RGL1: variants seen among roughly 807,000 people sequenced by gnomAD.
RGL1 encodes ral guanine nucleotide dissociation stimulator like 1, also known as ral guanine nucleotide dissociation stimulator-like 1.
A neutral mutation model predicts 95.2 loss-of-function variants in RGL1; 24 were observed. That is an observed-to-expected ratio of 0.25 (90% CI 0.18 to 0.35). The LOEUF (loss-of-function observed/expected upper bound fraction) is 0.35. RGL1 is among the 10% of genes least tolerant of loss of function. RGL1 has a pLI of 1.00. For missense variants in RGL1, 715 were observed against 936.3 expected, an observed-to-expected ratio of 0.76 and a Z score of 3.08; for synonymous variants, 329 against 344.9, an observed-to-expected ratio of 0.95 and a Z score of 0.51.
chr1:183,826,158 A>G (rs1284315461), intron 2 of RGL1, among the ~76,000 whole-genome samples: 1 of 151,192 alleles, frequency 6.6e-6, no homozygotes, highest in Non-Finnish European at 1.5e-5. Flanking sequence ...GGTTCATGCC[A>G]TTCTCCTGCC....
chr1:183,867,627 T>C (rs575391562), intron 4 of RGL1, among the ~76,000 whole-genome samples: 1 of 152,138 alleles, frequency 6.6e-6, no homozygotes, highest in Non-Finnish European at 1.5e-5. Context: ...GATGGGTTTT[T>C]TTTTTGGTTG....
intron 4 of RGL1, among the ~76,000 whole-genome samples, chr1:183,867,851 A>C (rs759875916): frequency 6.4e-4 from 97 of 152,306 alleles, no homozygotes; most frequent in Non-Finnish European, 7.6e-4. Context: ...TCCTCAGAAG[A>C]GTTACTGATA....
At chr1:183,828,573 G>C (rs369611229) in intron 2 of RGL1, among the ~76,000 whole-genome samples, 1 of 152,172 alleles carries the variant, frequency 6.6e-6, no homozygotes, top group African/African-American at 2.4e-5. Context: ...TCTTGGCTCT[G>C]TCAATTACTA....
intron 1 of RGL1, among the ~76,000 whole-genome samples, chr1:183,663,945 C>T (rs903184324): frequency 6.6e-6 from 1 of 151,260 alleles, no homozygotes; most frequent in Non-Finnish European, 1.5e-5. Context: ...TCATCATTCT[C>T]AGTAAACCAT....
intron 2 of RGL1, among the ~76,000 whole-genome samples, chr1:183,742,713 G>T (rs974277363): frequency 1.3e-5 from 2 of 151,830 alleles, no homozygotes; most frequent in East Asian, 1.9e-4. Flanking sequence ...ATTTGTGGGG[G>T]GTGTGTGTGT....
intron 2 of RGL1, among the ~76,000 whole-genome samples, chr1:183,810,048 C>T (rs1439643445): frequency 6.6e-6 from 1 of 152,104 alleles, no homozygotes; most frequent in Non-Finnish European, 1.5e-5. Context: ...TCTTTGGTCC[C>T]AGTGTTGTGG....
At chr1:183,904,134 C>T (rs1321138670) in intron 12 of RGL1, among the ~76,000 whole-genome samples, 1 of 152,162 alleles carries the variant, frequency 6.6e-6, no homozygotes, top group African/African-American at 2.4e-5. Flanking sequence ...ACTGTAAAAC[C>T]TAAACCTAAA....
intron 9 of RGL1, among the ~76,000 whole-genome samples, chr1:183,896,338 G>A (rs1336833283): frequency 3.9e-5 from 6 of 152,180 alleles, no homozygotes; most frequent in Admixed American, 6.5e-5. Context: ...GGCGCATGCC[G>A]CCATGTCCAG....
At chr1:183,849,285 A>C (rs1341085234) in intron 3 of RGL1, among the ~76,000 whole-genome samples, 8 of 151,634 alleles carry the variant, frequency 5.3e-5, no homozygotes, top group African/African-American at 1.9e-4. Flanking sequence ...ATATCTTGGA[A>C]ATTTTTTACT....
At position 183,795,463 on chromosome 1, in the gene RGL1, G is replaced by A. The variant is rs1298583934; in HGVS notation, c.133-10912G>A. Among the ~76,000 whole-genome samples the A allele has an allele frequency of 6.6e-5, 10 of 152,326 alleles. No individual in the cohort carries two copies. The South Asian group carries it at 1.0e-3, about 16-fold the overall frequency. ...TAACTGAGGTGGGAGAGGAGAACAG[G>A]GAAGGATGTCCCAAAGATGGAGAAC... On this transcript the variant is annotated intron_variant, in intron 2 of 18. Transcript: ENST00000304685.
At chr1:183,660,777 A>G (rs570656790) in intron 1 of RGL1, among the ~76,000 whole-genome samples, 1 of 152,180 alleles carries the variant, frequency 6.6e-6, no homozygotes, top group East Asian at 1.9e-4. Context: ...ACCACACCAC[A>G]CCTATTCCAA....
intron 2 of RGL1, among the ~76,000 whole-genome samples, chr1:183,774,397 G>A (rs188723196): frequency 1.2e-4 from 19 of 152,224 alleles, no homozygotes; most frequent in African/African-American, 4.3e-4. Flanking sequence ...ATCTAGTCTC[G>A]TTATAAAATC....
intron 16 of RGL1, among the ~76,000 whole-genome samples, chr1:183,919,116 A>G (rs1275892805): frequency 3.3e-5 from 5 of 152,234 alleles, no homozygotes; most frequent in Non-Finnish European, 7.3e-5. Flanking sequence ...AACTTTCAAA[A>G]TGTTGATTAA....
intron 2 of RGL1, among the ~76,000 whole-genome samples, chr1:183,811,066 G>A (rs1004282022): frequency 1.3e-5 from 2 of 152,182 alleles, no homozygotes; most frequent in Non-Finnish European, 2.9e-5. Context: ...TGAATGCATA[G>A]TTGGTTCTCA....
At chr1:183,900,541 G>C (rs1184144450) in intron 11 of RGL1, among the ~76,000 whole-genome samples, 3 of 152,160 alleles carry the variant, frequency 2.0e-5, no homozygotes, top group Admixed American at 2.0e-4. Context: ...TTTTGCTCTT[G>C]TTGTCCAAGC....
Position 183,663,228 on chromosome 1 carries a change from A to G in RGL1, c.-33+26727A>G, listed in dbSNP as rs1238614815. ...TTGACAAATGGGATCTAATTAAACT[A>G]AAGAGTTTTTGCACAGCAAAAGAAA... On this transcript the variant is annotated intron_variant, in intron 1 of 18. Transcript: ENST00000304685. Among the ~76,000 whole-genome samples the G allele has an allele frequency of 9.2e-5, 14 of 152,208 alleles. No homozygotes were observed. The South Asian group carries it at 1.2e-3, about 14-fold the overall frequency.
At position 183,896,729 on chromosome 1, in the gene RGL1, C is replaced by T. The variant is rs1269666548; in HGVS notation, c.1141-1079C>T. Among the ~76,000 whole-genome samples, 5 of 152,260 alleles carry T rather than the reference C, an allele frequency of 3.3e-5. No individual in the cohort carries two copies. The East Asian group carries it at 9.6e-4, about 29-fold the overall frequency. On this transcript the variant is annotated intron_variant, in intron 9 of 17. Coordinates refer to ENST00000360851, the MANE Select transcript of RGL1 (RefSeq NM_001297671.3). ...TGGAAAATGAGAACTTAACAAGACC[C>T]CAAAACCGCAAAAGCACTTAATGTT... is the stretch of plus-strand genomic sequence containing the variant.
chr1:183,915,062 A>G (rs1451098025), intron 15 of RGL1, among the ~76,000 whole-genome samples: 2 of 152,192 alleles, frequency 1.3e-5, no homozygotes, highest in Non-Finnish European at 2.9e-5. Flanking sequence ...TCAGACCCCT[A>G]CCCATGAGAA....
At chr1:183,674,740 G>A (rs1652705179) in intron 1 of RGL1, among the ~76,000 whole-genome samples, 1 of 152,218 alleles carries the variant, frequency 6.6e-6, no homozygotes, top group Non-Finnish European at 1.5e-5. Flanking sequence ...TGTACCGGTA[G>A]TGAGCCCACA....
Sources: gnomAD v4.1 joint callset for allele counts (sites outside exome capture counted in the v4.1 genomes callset) on GRCh38, gnomAD v4.1.1 for gene constraint, MANE v1.5 for transcripts, NCBI Gene and HGNC (gene_info 2026-07-23, HGNC 2026-07-21) for gene names.